Variants in GRIN2C observed in about 807,000 individuals in gnomAD.
The protein encoded by GRIN2C is glutamate ionotropic receptor NMDA type subunit 2C.
Under a neutral mutation model 77.7 loss-of-function variants are expected in GRIN2C, and 64 were observed. The observed-to-expected ratio is 0.82, with a 90% CI of 0.67 to 1.01. The LOEUF (loss-of-function observed/expected upper bound fraction) is 1.01, where lower values mean the gene tolerates loss of function less well. Among genes scored for constraint, GRIN2C ranks in the 50% least tolerant of loss-of-function variants. The pLI, the probability that GRIN2C is intolerant of heterozygous loss-of-function variation, is 0.00. For synonymous variants in GRIN2C, 792 were observed against 643.4 expected (o/e 1.23, Z -3.49); for missense variants, 1,549 against 1,486.0 (o/e 1.04, Z -0.70).
In GRIN2C at chr17:74,859,883, T is replaced by TGCGGCGGCGGCG. The variant is rs71157101; in HGVS notation, c.-156_-155insCGCCGCCGCCGC. On this transcript the variant is annotated 5_prime_UTR_variant, in exon 1 of 13. Transcript: ENST00000293190. The surrounding 1 kb of genome is among the most constrained non-coding windows in gnomAD (Gnocchi z 5.9). The stretch of plus-strand genomic sequence containing the variant: ...ACCCGCGGCTCAAGGACACTCGCGA[T>TGCGGCGGCGGCG]GCGGCGGCGGCGGCGGCGGCGGCGG... The TGCGGCGGCGGCG allele has an allele frequency of 4.2e-5, 7 of 165,612 alleles. No homozygotes were observed. Among genetic ancestry groups the TGCGGCGGCGGCG allele is most frequent in the East Asian group, 3.5e-4 (2 of 5,730 alleles). 10.3% of individuals were successfully genotyped at this position (165,612 alleles called of 1,614,324 possible).
At position 74,847,295 on chromosome 17, in the gene GRIN2C, A is replaced by T; in HGVS notation, c.2001+13T>A. 3.8e-6 allele frequency: 3 copies of T among 783,516 alleles called. No homozygotes were observed. The highest frequency in any genetic ancestry group is 5.9e-6 in the Non-Finnish European group (3 of 505,884). 48.5% of individuals were successfully genotyped at this position (783,516 alleles called of 1,614,324 possible). ...GTGCCCCCCCCCACCCCCAGCAGCT[A>T]TGGCCCCACAACCTTCTTGTCACTG... On this transcript the variant is annotated intron_variant, in intron 9 of 12. Coordinates refer to ENST00000293190, the MANE Select transcript of GRIN2C (RefSeq NM_000835.6). This position sits in a 1 kb window ranked among gnomAD's most constrained non-coding sequence, Gnocchi z 5.2.
intron 12 of GRIN2C, among the ~76,000 whole-genome samples, chr17:74,843,761 T>C (rs1450791131): frequency 3.3e-5 from 5 of 152,096 alleles, no homozygotes; most frequent in African/African-American, 1.2e-4. Flanking sequence ...TCCTAATCAC[T>C]CTAGCTAGCA....
In GRIN2C at chr17:74,846,316, G is replaced by A; in HGVS notation, c.2163-63C>T. On this transcript the variant is annotated intron_variant, in intron 10 of 12. Coordinates refer to ENST00000293190, the MANE Select transcript of GRIN2C (RefSeq NM_000835.6). The surrounding 1 kb of genome is among the most constrained non-coding windows in gnomAD (Gnocchi z 4.4). ...GGGAGGGGAGGGGACACCGAAACTGGGGCGTGACAGGGGTCTAAACCACAT... is the reference window on the plus strand; with the variant it reads ...GGGAGGGGAGGGGACACCGAAACTGAGGCGTGACAGGGGTCTAAACCACAT... 2.1e-6 allele frequency: 3 copies of A among 1,437,940 alleles called. No individual in the cohort carries two copies. The highest frequency in any genetic ancestry group is 1.2e-5 in the South Asian group (1 of 85,042). 89.1% of individuals were successfully genotyped at this position (1,437,940 alleles called of 1,614,324 possible). A position where few individuals can be genotyped will look rare whatever the true frequency, so the allele number is the denominator to read the frequency against.
In GRIN2C at chr17:74,854,975, C is replaced by A; in HGVS notation, c.118G>T (p.Gly40Trp). The change falls in exon 2 of 13, where the codon GGG becomes TGG. Residue 40 changes from glycine (G) to tryptophan (W), a missense_variant. This residue lies in a region of GRIN2C where 382 missense variants were observed against 360.0 expected (regional missense o/e 1.06). Transcript: ENST00000293190. ...GCACGGAACTGGGCCTGGGGCGGCCCTGAGCTGCTAAACACCACGGCCACC... is the reference window on the plus strand; with the variant it reads ...GCACGGAACTGGGCCTGGGGCGGCCATGAGCTGCTAAACACCACGGCCACC... ...MTVAVVFSSS[G>W]PPQAQFRARL... 6.2e-7 allele frequency: 1 copy of A among 1,610,760 alleles called. No homozygotes were observed.
Position 74,847,272 on chromosome 17 carries a change from G to GTCC in GRIN2C, c.2001+35_2001+36insGGA. The GTCC allele has an allele frequency of 2.9e-6, 2 of 692,326 alleles. No homozygotes were observed. Among genetic ancestry groups the GTCC allele is most frequent in the South Asian group, 1.4e-5 (1 of 70,328 alleles). The allele number at this position is 692,326 out of a possible 1,614,324, so 42.9% of individuals were successfully genotyped here. A position where few individuals can be genotyped will look rare whatever the true frequency, so the allele number is the denominator to read the frequency against. ...CTCACGGCCTGTCCCCACCCTCAGT[G>GTCC]CCCCCCCCCACCCCCAGCAGCTATG... On this transcript the variant is annotated intron_variant, in intron 9 of 12. Transcript: ENST00000293190. This position sits in a 1 kb window ranked among gnomAD's most constrained non-coding sequence, Gnocchi z 5.2.
chr17:74,848,064 G>A lies in GRIN2C; in HGVS notation c.1646-87C>T, dbSNP rs551649225. ...ACTGGGTGGAGACAGGTAGGTCCACGTGATCAAAGTAGGGGCCCACCAGCT... is the reference window on the plus strand; with the variant it reads ...ACTGGGTGGAGACAGGTAGGTCCACATGATCAAAGTAGGGGCCCACCAGCT... On this transcript the variant is annotated intron_variant, in intron 7 of 12. Coordinates refer to ENST00000293190, the MANE Select transcript of GRIN2C (RefSeq NM_000835.6). The A allele has an allele frequency of 3.9e-5, 57 of 1,461,558 alleles. 1 individual carries two copies. In the South Asian group the frequency reaches 4.6e-4, roughly 12 times the overall value. 90.5% of individuals were successfully genotyped at this position (1,461,558 alleles called of 1,614,324 possible).
At chr17:74,860,002 C>T (rs1272895811), upstream of GRIN2C, 1 of 152,102 alleles carries the variant, frequency 6.6e-6, no homozygotes, top group South Asian at 1.9e-4. Flanking sequence ...CGCCGGCGTC[C>T]GCGGCTCCGG....
At chr17:74,855,245 C>CA (rs2037788966) in intron 1 of GRIN2C, 138 bp from the exon 2 acceptor site, 3 of 648,944 alleles carry the variant, frequency 4.6e-6, no homozygotes, top group Admixed American at 3.2e-5. Flanking sequence ...CGAAGAGAGG[C>CA]GGAGAGAGAG....
rs1390089342 is a variant in GRIN2C, at chr17:74,842,511, C to T, written c.3626G>A (p.Arg1209Lys). 1 of 779,278 alleles carries T rather than the reference C, an allele frequency of 1.3e-6. No individual in the cohort carries two copies. The highest frequency in any genetic ancestry group is 1.3e-5 in the South Asian group (1 of 74,480). 48.3% of individuals were successfully genotyped at this position (779,278 alleles called of 1,614,324 possible). ...GAAGCCTTGCGTCCCACGGGCTACC[C>T]TGCTGATCTCGTCCAGTCCCCCACT... ...RDSGGLDEISRVARGTQGFPG... is the reference protein window; with the variant it reads ...RDSGGLDEISKVARGTQGFPG... The change falls in exon 13 of 13, where the codon AGG becomes AAG. Residue 1209 changes from arginine to lysine, a missense_variant. This residue lies in a region of GRIN2C where 450 missense variants were observed against 267.9 expected (regional missense o/e 1.68). Coordinates refer to ENST00000293190, the MANE Select transcript of GRIN2C (RefSeq NM_000835.6).
In GRIN2C at chr17:74,847,149, G is replaced by T. The variant is rs1462590152; in HGVS notation, c.2001+159C>A. ...AGCCGGTGGCCCTGAGCCATCTCTT[G>T]CCCCAGCCCCCAACCCCTTCTCAGC... On this transcript the variant is annotated intron_variant, in intron 9 of 12. Transcript: ENST00000293190. The surrounding 1 kb of genome is among the most constrained non-coding windows in gnomAD (Gnocchi z 5.2). 8.3e-6 allele frequency: 6 copies of T among 726,042 alleles called. No homozygotes were observed. Among genetic ancestry groups the T allele is most frequent in the South Asian group, 1.8e-5 (1 of 54,604 alleles). The allele number at this position is 726,042 out of a possible 1,614,324, so 45.0% of individuals were successfully genotyped here.
At position 74,844,446 on chromosome 17, in the gene GRIN2C, C is replaced by A. The variant is rs777483624; in HGVS notation, c.2413G>T (p.Val805Leu). 6.2e-7 allele frequency: 1 copy of A among 1,614,092 alleles called. No homozygotes were observed. Among genetic ancestry groups the A allele is most frequent in the Non-Finnish European group, 8.5e-7 (1 of 1,180,044 alleles). ...SGICQNEKNE[V>L]MSSKLDIDNM... is the part of the protein sequence containing the mutation. Reference sequence around the variant, plus strand: ...TCGATGTCCAGCTTGCTGCTCATCACCTCGTTCTTCTCATTCTGGCAGATC... The same window carrying A: ...TCGATGTCCAGCTTGCTGCTCATCAACTCGTTCTTCTCATTCTGGCAGATC... Residue 805 changes from valine to leucine, a missense_variant, in exon 12 of 13, where the codon GTG becomes TTG. By Grantham distance (32) the Val-to-Leu change is conservative. Around this residue, in one of 3 missense-constraint regions of GRIN2C, gnomAD observed 717 missense variants for 858.1 expected, o/e 0.84. Coordinates refer to ENST00000293190, the MANE Select transcript of GRIN2C (RefSeq NM_000835.6).
At chr17:74,854,602 C>T (rs754645454) in intron 2 of GRIN2C, 92 bp downstream of exon 2, 10 of 1,046,554 alleles carry the variant, frequency 9.6e-6, no homozygotes, top group South Asian at 3.0e-5. Context: ...CTGCCCATCC[C>T]GTCTAATCCC....
chr17:74,852,351 G>A lies in GRIN2C; in HGVS notation c.660C>T (p.Asp220=). 6.9e-7 allele frequency: 1 copy of A among 1,454,446 alleles called. No individual in the cohort carries two copies. Among genetic ancestry groups the A allele is most frequent in the South Asian group, 1.3e-5 (1 of 74,222 alleles). The allele number at this position is 1,454,446 out of a possible 1,614,324, so 90.1% of individuals were successfully genotyped here. The change falls in exon 3 of 13, where the codon GAC becomes GAT. Residue 220 remains aspartate (D), a synonymous_variant. Transcript: ENST00000293190. ...ARTQRLLRQL[D]APVFVAYCSR... ...AGCAGTAGGCCACAAACACGGGCGCGTCGAGCTGGCGCAGCAGGCGCTGCG... is the reference window on the plus strand; with the variant it reads ...AGCAGTAGGCCACAAACACGGGCGCATCGAGCTGGCGCAGCAGGCGCTGCG...
intron 4 of GRIN2C, chr17:74,851,098 C>A: frequency 2.5e-6 from 1 of 393,726 alleles, no homozygotes; most frequent in Non-Finnish European, 4.7e-6. Flanking sequence ...CAGGCTAGCA[C>A]CTCTTCCTGG....
Position 74,854,781 on chromosome 17 carries a change from C to T in GRIN2C, c.312G>A (p.Val104=). The T allele has an allele frequency of 6.2e-7, 1 of 1,613,892 alleles. No individual in the cohort carries two copies. The highest frequency in any genetic ancestry group is 8.5e-7 in the Non-Finnish European group (1 of 1,179,792). The change falls in exon 2 of 13, where the codon GTG becomes GTA. Residue 104 remains valine (V), a synonymous_variant. Coordinates refer to ENST00000293190, the MANE Select transcript of GRIN2C (RefSeq NM_000835.6). ...VFEDNVDTEA[V]AQILDFISSQ... is the part of the protein sequence containing the mutation. ...AGGAGATGAAGTCAAGGATCTGGGC[C>T]ACCGCCTCGGTGTCCACGTTGTCCT...
intron 3 of GRIN2C, 84 bp downstream of exon 3, chr17:74,851,929 G>C: frequency 9.3e-7 from 1 of 1,076,258 alleles, no homozygotes; most frequent in Non-Finnish European, 1.3e-6. Context: ...GGGAGGTGTG[G>C]CTGGCCAGCC....
rs2037475993 is a variant in GRIN2C, at chr17:74,846,947, A to G, written c.2002-27T>C. ...TGCAGGCGGAGGGCAGCAGCCAGTC[A>G]CAACCCTTCCTCCAGCCTTCCAGGC... is the stretch of plus-strand genomic sequence containing the variant. On this transcript the variant is annotated intron_variant, in intron 9 of 12. Coordinates refer to ENST00000293190, the MANE Select transcript of GRIN2C (RefSeq NM_000835.6). The surrounding 1 kb of genome is among the most constrained non-coding windows in gnomAD (Gnocchi z 4.4). 6.3e-7 allele frequency: 1 copy of G among 1,591,882 alleles called. No homozygotes were observed. The highest frequency in any genetic ancestry group is 8.6e-7 in the Non-Finnish European group (1 of 1,167,088).
chr17:74,856,975 T>G (rs948081967), intron 1 of GRIN2C, among the ~76,000 whole-genome samples: 1 of 152,122 alleles, frequency 6.6e-6, no homozygotes, highest in African/African-American at 2.4e-5. Flanking sequence ...AACTTTAGTG[T>G]AGAAACATCA....
Position 74,851,634 on chromosome 17 carries a change from G to C in GRIN2C, c.1056C>G (p.Tyr352Ter). 6.4e-7 allele frequency: 1 copy of C among 1,573,724 alleles called. No homozygotes were observed. Among genetic ancestry groups the C allele is most frequent in the Non-Finnish European group, 8.6e-7 (1 of 1,158,616 alleles). Reference protein sequence around the residue: ...GRDFSFSPGGYLVQPTMVVIA... With the variant: ...GRDFSFSPGG ...TCACCACCATGGTGGGCTGGACCAG[G>C]TACCCACCAGGGCTGAAGGAGAAGT... Residue 352 changes from tyrosine to a stop codon, truncating the protein, a stop_gained, in exon 4 of 13, where the codon TAC (tyrosine) becomes TAG (stop). Transcript: ENST00000293190. LOFTEE classifies it high-confidence loss of function.
Sources: gnomAD v4.1 joint callset for allele counts (sites outside exome capture counted in the v4.1 genomes callset) on GRCh38, gnomAD v4.1.1 for gene constraint, gnomAD v4.1.1 regional missense constraint, Gnocchi (gnomAD v3.1) non-coding constraint, MANE v1.5 for transcripts, NCBI Gene and HGNC (gene_info 2026-07-23, HGNC 2026-07-21) for gene names.